CSMD3: variants seen among roughly 807,000 people sequenced by gnomAD.
CSMD3 encodes the protein CUB and sushi domain-containing protein 3.
A neutral mutation model predicts 435.2 loss-of-function variants in CSMD3; 177 were observed. That is an observed-to-expected ratio of 0.41 (90% CI 0.36 to 0.46). The LOEUF (loss-of-function observed/expected upper bound fraction) is 0.46, where lower values mean the gene tolerates loss of function less well. Ranked by LOEUF, CSMD3 falls within the 20% of genes least tolerant of loss-of-function variation. The pLI, the probability that CSMD3 is intolerant of heterozygous loss-of-function variation, is 0.34. For synonymous variants in CSMD3, 1,656 were observed against 1,520.5 expected, an observed-to-expected ratio of 1.09 and a Z score of -2.07; for missense variants, 4,265 against 4,504.6, an observed-to-expected ratio of 0.95 and a Z score of 1.52.
At chr8:112,319,390 C>T (rs1822777930) in intron 46 of CSMD3, among the ~76,000 whole-genome samples, 1 of 151,868 alleles carries the variant, frequency 6.6e-6, no homozygotes, top group Admixed American at 6.6e-5. Flanking sequence ...ATTAAGATGT[C>T]TTCGTATATA....
At chr8:113,014,609 G>C (rs2086382768) in intron 6 of CSMD3, among the ~76,000 whole-genome samples, 1 of 152,090 alleles carries the variant, frequency 6.6e-6, no homozygotes, top group South Asian at 2.1e-4. Flanking sequence ...AGGGTATCTT[G>C]TAAGCCCATT....
chr8:113,121,977 T>C (rs562333589), intron 4 of CSMD3, among the ~76,000 whole-genome samples: 2 of 152,258 alleles, frequency 1.3e-5, no homozygotes, highest in African/African-American at 4.8e-5. Context: ...TATAAAAAGG[T>C]ACCCCTTTAC....
chr8:112,334,055 A>AT (rs931926799), intron 45 of CSMD3, among the ~76,000 whole-genome samples: 34 of 152,244 alleles, frequency 2.2e-4, no homozygotes, highest in Non-Finnish European at 3.4e-4. Flanking sequence ...CAAATAAATT[A>AT]TTTTTTTAAA....
chr8:112,687,378 G>A (rs1017335636), intron 14 of CSMD3, among the ~76,000 whole-genome samples: 8 of 151,828 alleles, frequency 5.3e-5, no homozygotes, highest in African/African-American at 1.9e-4. Flanking sequence ...TTAAGTTTAT[G>A]ATCTCTTAGT....
chr8:112,845,968 T>A (rs1030691109), intron 11 of CSMD3, among the ~76,000 whole-genome samples: 1 of 151,942 alleles, frequency 6.6e-6, no homozygotes, highest in Non-Finnish European at 1.5e-5. Context: ...AGGGGGAAAT[T>A]CAGGAAAACA....
intron 6 of CSMD3, among the ~76,000 whole-genome samples, chr8:112,990,696 T>G (rs1368021066): frequency 6.6e-6 from 1 of 151,794 alleles, no homozygotes; most frequent in Non-Finnish European, 1.5e-5. Flanking sequence ...AAGGATAAAT[T>G]GCAAGCAGGA....
At chr8:112,402,267 C>T (rs547698656) in intron 35 of CSMD3, among the ~76,000 whole-genome samples, 3 of 152,288 alleles carry the variant, frequency 2.0e-5, no homozygotes, top group East Asian at 1.9e-4. Flanking sequence ...CATTCACCCA[C>T]GACTCTTGTG....
At chr8:113,042,960 C>T (rs2131294867) in intron 5 of CSMD3, among the ~76,000 whole-genome samples, 1 of 152,258 alleles carries the variant, frequency 6.6e-6, no homozygotes, top group Admixed American at 6.5e-5. Flanking sequence ...CTCCTACTTC[C>T]TAAATATTCT....
chr8:112,515,494 A>T (rs1823575871), intron 28 of CSMD3, among the ~76,000 whole-genome samples: 1 of 152,090 alleles, frequency 6.6e-6, no homozygotes, highest in South Asian at 2.1e-4. Context: ...TTCTTTGCAA[A>T]CATTTCTTAA....
At chr8:112,320,658 A>C (rs1459989826) in intron 45 of CSMD3, among the ~76,000 whole-genome samples, 2 of 130,610 alleles carry the variant, frequency 1.5e-5, no homozygotes, top group Non-Finnish European at 3.2e-5. Context: ...ACCCCACGAC[A>C]GGCCCCGGTG....
In CSMD3 at chr8:113,173,820, C is replaced by G. The variant is rs1339843034; in HGVS notation, c.611G>C (p.Cys204Ser). Reference sequence around the variant, plus strand: ...GCCATCAAGGATGTATCCAGTTACACAGCTGTAGCGGATCTTGTCCCCGAC... The same window carrying G: ...GCCATCAAGGATGTATCCAGTTACAGAGCTGTAGCGGATCTTGTCCCCGAC... Reference protein sequence around the residue: ...FDVGDKIRYSCVTGYILDGHP... With the variant: ...FDVGDKIRYSSVTGYILDGHP... The change falls in exon 4 of 71, where the codon TGT becomes TCT. Residue 204 changes from cysteine to serine, a missense_variant. Cys to Ser is a moderately radical substitution (Grantham distance 112). Transcript: ENST00000297405. The G allele has an allele frequency of 6.2e-7, 1 of 1,613,698 alleles. No homozygotes were observed. Among genetic ancestry groups the G allele is most frequent in the African/African-American group, 1.3e-5 (1 of 74,932 alleles).
Position 112,690,054 on chromosome 8 carries a change from G to T in CSMD3, c.1973-4C>A, listed in dbSNP as rs1563856427. On this transcript the variant is annotated splice_polypyrimidine_tract_variant and splice_region_variant and intron_variant, in intron 13 of 70. Coordinates refer to ENST00000297405, the MANE Select transcript of CSMD3 (RefSeq NM_198123.2). ...CCACAACTTTCTTTCTCAATTTCTGGAAAAATAGAAGATAAAAGTCACCTT... is the reference window on the plus strand; with the variant it reads ...CCACAACTTTCTTTCTCAATTTCTGTAAAAATAGAAGATAAAAGTCACCTT... The T allele has an allele frequency of 1.9e-6, 3 of 1,611,670 alleles. No individual in the cohort carries two copies. The highest frequency in any genetic ancestry group is 2.5e-6 in the Non-Finnish European group (3 of 1,178,256).
At chr8:113,009,898 C>T (rs1371425821) in intron 6 of CSMD3, among the ~76,000 whole-genome samples, 1 of 151,630 alleles carries the variant, frequency 6.6e-6, no homozygotes, top group Non-Finnish European at 1.5e-5. Context: ...CCTGTAATAG[C>T]AGATGGTATT....
chr8:112,475,954 A>T (rs549332140), intron 31 of CSMD3, among the ~76,000 whole-genome samples: 19 of 152,302 alleles, frequency 1.2e-4, no homozygotes, highest in African/African-American at 4.3e-4. Flanking sequence ...TTAAAAGCCT[A>T]TATTCTTTGT....
At chr8:112,820,111 T>G (rs2079487414) in intron 12 of CSMD3, among the ~76,000 whole-genome samples, 1 of 152,150 alleles carries the variant, frequency 6.6e-6, no homozygotes, top group Admixed American at 6.6e-5. Flanking sequence ...TTAAATTCAT[T>G]TTAAAACATT....
intron 1 of CSMD3, among the ~76,000 whole-genome samples, chr8:113,398,502 C>T (rs1412758591): frequency 6.6e-6 from 1 of 152,086 alleles, no homozygotes; most frequent in African/African-American, 2.4e-5. Context: ...AAAGTTGATC[C>T]TCCAAAAGAA....
intron 24 of CSMD3, among the ~76,000 whole-genome samples, chr8:112,561,079 G>T (rs895927398): frequency 6.6e-6 from 1 of 151,730 alleles, no homozygotes; most frequent in Non-Finnish European, 1.5e-5. Context: ...AATGCACATG[G>T]ACAATAGTAT....
chr8:112,800,070 CTTT>C, intron 13 of CSMD3, 89 bp downstream of exon 13: 1 of 854,936 alleles, frequency 1.2e-6, no homozygotes, highest in South Asian at 1.4e-5. Context: ...TTCTGCAAAA[CTTT>C]TAATTTTGTA....
intron 13 of CSMD3, among the ~76,000 whole-genome samples, chr8:112,759,071 T>G (rs545244151): frequency 1.8e-4 from 27 of 152,242 alleles, no homozygotes; most frequent in African/African-American, 6.3e-4. Context: ...ATACTGTTCT[T>G]AGATTTATAG....
Sources: gnomAD v4.1 joint callset for allele counts (sites outside exome capture counted in the v4.1 genomes callset) on GRCh38, gnomAD v4.1.1 for gene constraint, MANE v1.5 for transcripts, NCBI Gene and HGNC (gene_info 2026-07-23, HGNC 2026-07-21) for gene names.